Variants in NBAS observed in about 807,000 individuals in gnomAD.
The protein encoded by NBAS is NAG/BC035112 fusion.
NBAS carries 219 observed loss-of-function variants against 302.5 expected under a neutral mutation model. That is an observed-to-expected ratio of 0.72 (90% CI 0.65 to 0.81). The LOEUF is 0.81. NBAS is among the 30% of genes least tolerant of loss of function. NBAS has a pLI of 0.00. For missense variants in NBAS, 2,932 were observed against 2,841.6 expected (o/e 1.03, Z -0.72); for synonymous variants, 1,118 against 1,021.6 (o/e 1.09, Z -1.80).
At chr2:15,034,206 A>AG in the NBAS span, among the ~76,000 whole-genome samples, 89,632 of 115,558 alleles carry the variant, frequency 0.78, 35,483 homozygotes, top group East Asian at 0.98. Context: ...AAAGAGAAGG[A>AG]AAGGAAAGAA....
the NBAS span, among the ~76,000 whole-genome samples, chr2:15,094,140 A>T: frequency 1.3e-5 from 2 of 152,322 alleles, no homozygotes; most frequent in Admixed American, 1.3e-4. Flanking sequence ...TGCAAAAGGA[A>T]GCTGCTATAA....
chr2:14,989,587 G>T, the NBAS span, among the ~76,000 whole-genome samples: 1 of 152,084 alleles, frequency 6.6e-6, no homozygotes, highest in African/African-American at 2.4e-5. Context: ...TTAAAAAAAA[G>T]ACAATGAAAT....
At chr2:15,464,070 C>T (rs993143639) in intron 19 of NBAS, among the ~76,000 whole-genome samples, 5 of 152,106 alleles carry the variant, frequency 3.3e-5, no homozygotes, top group East Asian at 1.9e-4. Context: ...ATGGGCACAT[C>T]GGGCTCATCA....
intron 31 of NBAS, among the ~76,000 whole-genome samples, chr2:15,370,354 C>T (rs1674423435): frequency 6.6e-6 from 1 of 152,168 alleles, no homozygotes; most frequent in Admixed American, 6.5e-5. Flanking sequence ...GGTGCGGTGG[C>T]ACAATCTCAA....
At chr2:15,053,386 A>G in the NBAS span, among the ~76,000 whole-genome samples, 1 of 152,232 alleles carries the variant, frequency 6.6e-6, no homozygotes. Flanking sequence ...TTCTAGCCCT[A>G]GCTCTATCTC....
the NBAS span, among the ~76,000 whole-genome samples, chr2:15,016,502 G>T: frequency 6.6e-6 from 1 of 152,156 alleles, no homozygotes; most frequent in African/African-American, 2.4e-5. Flanking sequence ...GATATGCCAT[G>T]CTCATGGATT....
chr2:14,934,386 C>T, the NBAS span, among the ~76,000 whole-genome samples: 68 of 146,614 alleles, frequency 4.6e-4, no homozygotes, highest in Middle Eastern at 3.4e-3. Flanking sequence ...CCTCCCTCCT[C>T]TTCCTCCTCT....
chr2:15,409,451 C>G (rs1676576831), intron 25 of NBAS, among the ~76,000 whole-genome samples: 1 of 152,154 alleles, frequency 6.6e-6, no homozygotes, highest in Admixed American at 6.5e-5. Context: ...CTTTTAACCC[C>G]ATATATTTTT....
At chr2:14,995,850 T>C in the NBAS span, among the ~76,000 whole-genome samples, 2 of 152,082 alleles carry the variant, frequency 1.3e-5, no homozygotes, top group African/African-American at 4.8e-5. Context: ...GCCTCCCAAG[T>C]AGCTAGGTCC....
the NBAS span, among the ~76,000 whole-genome samples, chr2:15,028,432 A>G: frequency 6.6e-6 from 1 of 152,232 alleles, no homozygotes; most frequent in Non-Finnish European, 1.5e-5. Flanking sequence ...TGAAGCCAAA[A>G]CAACTTTAAT....
the NBAS span, among the ~76,000 whole-genome samples, chr2:14,908,086 A>G: frequency 6.6e-6 from 1 of 152,224 alleles, no homozygotes; most frequent in Non-Finnish European, 1.5e-5. Context: ...ACAGGGGGCC[A>G]GGCGCAGTGG....
chr2:15,026,709 A>G, the NBAS span, among the ~76,000 whole-genome samples: 117,136 of 151,952 alleles, frequency 0.77, 45,411 homozygotes, highest in East Asian at 1. Context: ...TTGGGTTTGC[A>G]GTTTTAGTTA....
the NBAS span, among the ~76,000 whole-genome samples, chr2:15,005,617 C>T: frequency 4.3e-4 from 66 of 152,272 alleles, no homozygotes; most frequent in Non-Finnish European, 7.8e-4. Flanking sequence ...AATGTAAAGG[C>T]GAAATAGGGA....
the NBAS span, among the ~76,000 whole-genome samples, chr2:14,867,330 G>A: frequency 1.3e-3 from 192 of 152,264 alleles, 3 homozygotes; most frequent in Admixed American, 9.9e-3. Flanking sequence ...TAGATTGGTA[G>A]ATTAATTATA....
chr2:15,395,238 A>T lies in NBAS; in HGVS notation c.3135-889T>A, dbSNP rs1214547249. Reference sequence around the variant, plus strand: ...TTACAACCAGACATGTGATGAAATAAATTACGTTTATTTCACTGTATCTCT... The same window carrying T: ...TTACAACCAGACATGTGATGAAATATATTACGTTTATTTCACTGTATCTCT... On this transcript the variant is annotated intron_variant, in intron 27 of 51. Coordinates refer to ENST00000281513, the MANE Select transcript of NBAS (RefSeq NM_015909.4). 2.6e-5 allele frequency among the ~76,000 whole-genome samples: 4 copies of T among 152,192 alleles called. No homozygotes were observed. The East Asian group carries it at 7.7e-4, about 29-fold the overall frequency.
chr2:15,496,409 T>C (rs1423344212), intron 11 of NBAS, among the ~76,000 whole-genome samples: 1 of 152,222 alleles, frequency 6.6e-6, no homozygotes. Flanking sequence ...CTTGAAATCA[T>C]TGCACAGTTC....
intron 21 of NBAS, among the ~76,000 whole-genome samples, chr2:15,451,264 T>C (rs1238275574): frequency 6.6e-6 from 1 of 152,124 alleles, no homozygotes; most frequent in Non-Finnish European, 1.5e-5. Flanking sequence ...ATTGCCCAGC[T>C]AGTCTCAAAT....
At chr2:15,314,670 C>G (rs1224187466) in intron 38 of NBAS, among the ~76,000 whole-genome samples, 10 of 152,160 alleles carry the variant, frequency 6.6e-5, no homozygotes. Flanking sequence ...CCCAGCAATA[C>G]CATTAAAATT....
At chr2:15,011,620 C>T in the NBAS span, among the ~76,000 whole-genome samples, 1 of 152,060 alleles carries the variant, frequency 6.6e-6, no homozygotes, top group Non-Finnish European at 1.5e-5. Flanking sequence ...TGCACCCATG[C>T]CCCCAGCCAG....
Sources: allele counts gnomAD v4.1 joint callset (sites outside exome capture counted in the v4.1 genomes callset), GRCh38; gene constraint gnomAD v4.1.1; transcripts MANE v1.5; gene names NCBI Gene and HGNC (gene_info 2026-07-23, HGNC 2026-07-21).